The following FLCN variants were observed in gnomAD, a reference collection of about 807,000 sequenced individuals.
FLCN encodes the protein BHD skin lesion fibrofolliculoma protein.
In FLCN, 22 loss-of-function variants were observed where a neutral mutation model predicts 62.5. The observed-to-expected ratio is 0.35, with a 90% CI of 0.25 to 0.50. The LOEUF (loss-of-function observed/expected upper bound fraction) is 0.50, where lower values mean the gene tolerates loss of function less well. Among genes scored for constraint, FLCN ranks in the 20% least tolerant of loss-of-function variants. The probability of loss-of-function intolerance (pLI) is 0.97; values close to 1 mark genes in which losing one functional copy is unlikely to be tolerated. For missense variants in FLCN, 657 were observed against 778.0 expected (o/e 0.84, Z 1.85); for synonymous variants, 319 against 310.0 (o/e 1.03, Z -0.30).
chr17:17,224,275 G>C (rs1180867621), intron 5 of FLCN, 132 bp from the exon 6 acceptor site: 1 of 815,672 alleles, frequency 1.2e-6, no homozygotes, highest in Non-Finnish European at 2.0e-6. Flanking sequence ...GTGGCACAGT[G>C]GGGGCCATGA....
In FLCN at chr17:17,228,052, A is replaced by G. The variant is rs150051278; in HGVS notation, c.86T>C (p.Leu29Pro). ...LFCTEVLHAP[L>P]PQGDGNEDSP... ...GTCCTCATTCCCATCCCCTTGAGGA[A>G]GTGGGGCGTGCAGCACCTCCGTGCA... The change falls in exon 4 of 14, where the codon CTT (leucine) becomes CCT (proline). Residue 29 changes from leucine to proline, a missense_variant. By Grantham distance (98) the Leu-to-Pro change is moderately conservative. Coordinates refer to ENST00000285071, the MANE Select transcript of FLCN (RefSeq NM_144997.7). The G allele has an allele frequency of 1.7e-5, 28 of 1,613,674 alleles. No homozygotes were observed. Among genetic ancestry groups the G allele is most frequent in the African/African-American group, 1.5e-4 (11 of 74,950 alleles).
At chr17:17,235,800 T>C (rs1445672609) in intron 1 of FLCN, 2 of 152,242 alleles carry the variant, frequency 1.3e-5, no homozygotes, top group Admixed American at 6.5e-5. Context: ...GGTTTGAGTG[T>C]GTCTCACGAG....
At chr17:17,233,300 T>A (rs536405582) in intron 1 of FLCN, among the ~76,000 whole-genome samples, 8 of 152,090 alleles carry the variant, frequency 5.3e-5, no homozygotes, top group African/African-American at 1.4e-4. Flanking sequence ...AAAAAATTTT[T>A]AAAAAAAATT....
rs200397656 is a variant in FLCN at position 17,221,391 on chromosome 17, C to A, written c.871+146G>T. Reference sequence around the variant, plus strand: ...ACAATCACAACAATCACACCGAGATCGGAGGGTGAGCTTCCCGAAGGCTCG... The same window carrying A: ...ACAATCACAACAATCACACCGAGATAGGAGGGTGAGCTTCCCGAAGGCTCG... On this transcript the variant is annotated intron_variant, in intron 8 of 13. Transcript: ENST00000285071. 8 of 1,613,154 alleles carry A rather than the reference C, an allele frequency of 5.0e-6. No homozygotes were observed. In the African/African-American group the frequency reaches 1.1e-4, roughly 22 times the overall value.
intron 1 of FLCN, chr17:17,235,341 C>T (rs891979514): frequency 6.6e-6 from 1 of 151,576 alleles, no homozygotes; most frequent in Non-Finnish European, 1.5e-5. Context: ...GTGCCAGCTA[C>T]TCAGGAGGCT....
Position 17,214,976 on chromosome 17 carries a change from G to A in FLCN, c.1538+9C>T. On this transcript the variant is annotated intron_variant, in intron 13 of 13. Transcript: ENST00000285071. The stretch of plus-strand genomic sequence containing the variant: ...CAAGCAAAGGGGCCTCACCCACACT[G>A]TTGCTTACTTCATCCACTCCTCCTT... 1 of 1,613,162 alleles carries A rather than the reference G, an allele frequency of 6.2e-7. No individual in the cohort carries two copies. The highest frequency in any genetic ancestry group is 1.3e-5 in the African/African-American group (1 of 75,006).
chr17:17,227,784 G>A, intron 4 of FLCN, 105 bp downstream of exon 4: 1 of 1,505,590 alleles, frequency 6.6e-7, no homozygotes, highest in South Asian at 1.1e-5. Flanking sequence ...CCCCTGAGAA[G>A]CAGTCTGTGT....
chr17:17,222,835 T>C (rs1597603082), intron 6 of FLCN, 174 bp from the exon 7 acceptor site: 2 of 746,002 alleles, frequency 2.7e-6, no homozygotes, highest in East Asian at 5.5e-5. Flanking sequence ...ACAGCATAGC[T>C]CTGCCCCGGC....
At position 17,216,770 on chromosome 17, in the gene FLCN, GC is replaced by G. The variant is rs1478755616; in HGVS notation, c.1177-268del. ...GTGGTGTTAACTCATATTAATGTTT[GC>G]CTGCACAGATGTTTGTCTCCTACCG... On this transcript the variant is annotated intron_variant, in intron 10 of 13. Transcript: ENST00000285071. This position sits in a 1 kb window ranked among gnomAD's most constrained non-coding sequence, Gnocchi z 4.0. 6.6e-6 allele frequency among the ~76,000 whole-genome samples: 1 copy of G among 152,184 alleles called. No individual in the cohort carries two copies. Among genetic ancestry groups the G allele is most frequent in the African/African-American group, 2.4e-5 (1 of 41,452 alleles).
chr17:17,213,644 T>G lies in FLCN; in HGVS notation c.*11A>C. 1 of 1,614,086 alleles carries G rather than the reference T, an allele frequency of 6.2e-7. No individual in the cohort carries two copies. The highest frequency in any genetic ancestry group is 1.3e-5 in the African/African-American group (1 of 75,006). On this transcript the variant is annotated 3_prime_UTR_variant, in exon 14 of 14. Transcript: ENST00000285071. Reference sequence around the variant, plus strand: ...AGCCATCCCTGTCTTTAGGCAGGTGTGTGTGACGGGTCAGTTCCGAGACTC... The same window carrying G: ...AGCCATCCCTGTCTTTAGGCAGGTGGGTGTGACGGGTCAGTTCCGAGACTC...
rs2144795468 is a variant in FLCN at position 17,212,493 on chromosome 17, A to G, written c.*1162T>C. The stretch of plus-strand genomic sequence containing the variant: ...ATCTCTTTAAAAAAAAAAAAAAAAA[A>G]AAAAAAAAGGGCCAGGCACAGTGGC... On this transcript the variant is annotated 3_prime_UTR_variant, in exon 14 of 14. Coordinates refer to ENST00000285071, the MANE Select transcript of FLCN (RefSeq NM_144997.7). The G allele has an allele frequency of 5.9e-6, 1 of 169,582 alleles. No individual in the cohort carries two copies. Among genetic ancestry groups the G allele is most frequent in the East Asian group, 1.1e-4 (1 of 9,398 alleles). The allele number at this position is 169,582 out of a possible 1,614,324, so 10.5% of individuals were successfully genotyped here. A position where few individuals can be genotyped will look rare whatever the true frequency, so the allele number is the denominator to read the frequency against.
intron 8 of FLCN, chr17:17,219,924 C>G (rs115514236): frequency 0.033 from 5,074 of 152,420 alleles, 253 homozygotes; most frequent in African/African-American, 0.11. Flanking sequence ...TCTATGAATC[C>G]TGTCACCCAG....
chr17:17,215,249 A>T lies in FLCN; in HGVS notation c.1368T>A (p.Asp456Glu). 1 of 1,614,152 alleles carries T rather than the reference A, an allele frequency of 6.2e-7. No homozygotes were observed. Among genetic ancestry groups the T allele is most frequent in the Non-Finnish European group, 8.5e-7 (1 of 1,180,028 alleles). ...ACTCGTACTTGCTGAGAGACTGGTC[A>T]TCCTCACACCCCACAGGGTGGAGGG... ...RSTLHPVGCE[D>E]DQSLSKYEFV... The change falls in exon 12 of 14, where the codon GAT (aspartate) becomes GAA (glutamate). Residue 456 changes from aspartate to glutamate, a missense_variant. Asp to Glu is a conservative substitution (Grantham distance 45). Transcript: ENST00000285071.
At chr17:17,226,409 A>G in intron 4 of FLCN, 87 bp from the exon 5 acceptor site, 1 of 1,519,994 alleles carries the variant, frequency 6.6e-7, no homozygotes, top group African/African-American at 1.4e-5. Flanking sequence ...AGCTCGGAAA[A>G]CTCAAGCTAT....
intron 1 of FLCN, among the ~76,000 whole-genome samples, chr17:17,234,400 T>C (rs1288519414): frequency 1.3e-5 from 2 of 150,080 alleles, no homozygotes; most frequent in Non-Finnish European, 3.0e-5. Context: ...TTAGTAGAGA[T>C]GGGGTTTCGC....
rs568272777 is a variant in FLCN, at chr17:17,212,243, T to C, written c.*1412A>G. The C allele has an allele frequency of 1.8e-5, 3 of 170,244 alleles. No individual in the cohort carries two copies. Among genetic ancestry groups the C allele is most frequent in the African/African-American group, 7.1e-5 (3 of 42,128 alleles). 10.5% of individuals were successfully genotyped at this position (170,244 alleles called of 1,614,324 possible). A position where few individuals can be genotyped will look rare whatever the true frequency, so the allele number is the denominator to read the frequency against. ...AAAATACATCTTTATTGTGTTCCAATGTTGTTGCATTATACAGATACCTAG... is the reference window on the plus strand; with the variant it reads ...AAAATACATCTTTATTGTGTTCCAACGTTGTTGCATTATACAGATACCTAG... On this transcript the variant is annotated 3_prime_UTR_variant, in exon 14 of 14. Coordinates refer to ENST00000285071, the MANE Select transcript of FLCN (RefSeq NM_144997.7).
intron 2 of FLCN, among the ~76,000 whole-genome samples, chr17:17,232,493 G>T (rs1379019998): frequency 6.6e-6 from 1 of 152,186 alleles, no homozygotes; most frequent in Non-Finnish European, 1.5e-5. Context: ...GAAGGCCGGA[G>T]CCAGAGTCTA....
At chr17:17,215,404 A>T in intron 11 of FLCN, 88 bp from the exon 12 acceptor site, 1 of 1,598,446 alleles carries the variant, frequency 6.3e-7, no homozygotes, top group South Asian at 1.1e-5. Flanking sequence ...CACTCCGCTC[A>T]TCCCAGGTCA....
At chr17:17,222,956 T>C (rs1053457952) in intron 6 of FLCN, 2 of 450,378 alleles carry the variant, frequency 4.4e-6, no homozygotes, top group African/African-American at 4.0e-5. Context: ...TCTGCGCTGC[T>C]CCCCACCTGT....
Sources: gnomAD v4.1 joint callset for allele counts (sites outside exome capture counted in the v4.1 genomes callset) on GRCh38, gnomAD v4.1.1 for gene constraint, Gnocchi (gnomAD v3.1) non-coding constraint, MANE v1.5 for transcripts, NCBI Gene and HGNC (gene_info 2026-07-23, HGNC 2026-07-21) for gene names.